Variants in ST6GAL2 observed in about 807,000 individuals in gnomAD.
ST6GAL2 encodes ST6 beta-galactoside alpha-2,6-sialyltransferase 2, also known as beta-galactoside alpha-2,6-sialyltransferase 2.
Under a neutral mutation model 37.5 loss-of-function variants are expected in ST6GAL2, and 24 were observed. That is an observed-to-expected ratio of 0.64 (90% CI 0.46 to 0.90). The LOEUF (loss-of-function observed/expected upper bound fraction) is 0.90. Among genes scored for constraint, ST6GAL2 ranks in the 40% least tolerant of loss-of-function variants. The probability of loss-of-function intolerance (pLI) is 0.00; values close to 1 mark genes in which losing one functional copy is unlikely to be tolerated. For synonymous variants in ST6GAL2, 306 were observed against 295.1 expected (o/e 1.04, Z -0.38); for missense variants, 715 against 712.7 (o/e 1.00, Z -0.04).
At chr2:106,819,259 G>C (rs562539122) in intron 5 of ST6GAL2, among the ~76,000 whole-genome samples, 1 of 151,820 alleles carries the variant, frequency 6.6e-6, no homozygotes, top group East Asian at 1.9e-4. Flanking sequence ...AGAACACCAA[G>C]CAGATTTAAC....
chr2:106,845,330 G>A (rs566955302), intron 1 of ST6GAL2, among the ~76,000 whole-genome samples: 1 of 152,328 alleles, frequency 6.6e-6, no homozygotes, highest in South Asian at 2.1e-4. Flanking sequence ...GAAGTTCTGA[G>A]AGCAAAGGAG....
intron 1 of ST6GAL2, among the ~76,000 whole-genome samples, chr2:106,878,348 C>A (rs1471629536): frequency 6.6e-6 from 1 of 151,674 alleles, no homozygotes; most frequent in African/African-American, 2.4e-5. Flanking sequence ...CCTGTAATCC[C>A]AGTTACTCAG....
In ST6GAL2 at chr2:106,858,549, G is replaced by T. The variant is rs77368421; in HGVS notation, c.-57-14515C>A. Among the ~76,000 whole-genome samples the T allele has an allele frequency of 5.6e-3, 853 of 152,280 alleles. 6 individuals are homozygous for T. The highest frequency in any genetic ancestry group is 0.019 in the African/African-American group (773 of 41,562). On this transcript the variant is annotated intron_variant, in intron 1 of 5. Coordinates refer to ENST00000409382, the MANE Select transcript of ST6GAL2 (RefSeq NM_001142351.2). ...AGTGAAGAAGGAAGGTCAAAAAATG[G>T]AAAGAATACTTGCTAAGCCAGTTTC...
At chr2:106,844,999 A>C (rs1197299946) in intron 1 of ST6GAL2, among the ~76,000 whole-genome samples, 2 of 152,210 alleles carry the variant, frequency 1.3e-5, no homozygotes, top group African/African-American at 4.8e-5. Flanking sequence ...AAGTCCTGGA[A>C]AGGGAAAATA....
intron 5 of ST6GAL2, chr2:106,813,106 T>C (rs1249508339): frequency 2.5e-5 from 32 of 1,255,498 alleles, no homozygotes; most frequent in Non-Finnish European, 3.1e-5. Flanking sequence ...AAGTTTCTTA[T>C]ATGGCCAGTT....
chr2:106,859,486 A>G (rs1677714232), intron 1 of ST6GAL2, among the ~76,000 whole-genome samples: 1 of 152,156 alleles, frequency 6.6e-6, no homozygotes, highest in Non-Finnish European at 1.5e-5. Context: ...GTCCAAACAA[A>G]TATTTGTTAT....
chr2:106,883,182 T>G (rs1678822460), intron 1 of ST6GAL2, among the ~76,000 whole-genome samples: 2 of 152,186 alleles, frequency 1.3e-5, no homozygotes, highest in African/African-American at 2.4e-5. Flanking sequence ...GAATTGCAAC[T>G]GTTCCCCTAT....
intron 5 of ST6GAL2, among the ~76,000 whole-genome samples, chr2:106,827,769 T>G (rs1220054599): frequency 2.0e-5 from 3 of 152,208 alleles, no homozygotes; most frequent in Admixed American, 6.5e-5. Flanking sequence ...AAACAAAAGG[T>G]TTCCTCTTAT....
chr2:106,866,575 G>A (rs79168913), intron 1 of ST6GAL2, among the ~76,000 whole-genome samples: 3,661 of 152,270 alleles, frequency 0.024, 129 homozygotes, highest in African/African-American at 0.081. Flanking sequence ...AGCTCCCAGA[G>A]GCCATGCTTT....
intron 5 of ST6GAL2, among the ~76,000 whole-genome samples, chr2:106,810,215 T>C (rs1338617318): frequency 2.0e-5 from 3 of 152,228 alleles, no homozygotes; most frequent in Non-Finnish European, 2.9e-5. Context: ...ATATACAATA[T>C]AGATTTTGTC....
intron 1 of ST6GAL2, among the ~76,000 whole-genome samples, chr2:106,850,422 C>T (rs1168102891): frequency 6.6e-6 from 1 of 152,174 alleles, no homozygotes; most frequent in Non-Finnish European, 1.5e-5. Context: ...GCTTAAGTGG[C>T]TCCTAATGCA....
chr2:106,802,776 GC>G lies in ST6GAL2; in HGVS notation c.*3901del, dbSNP rs1331453571. On this transcript the variant is annotated 3_prime_UTR_variant, in exon 6 of 6. Coordinates refer to ENST00000409382, the MANE Select transcript of ST6GAL2 (RefSeq NM_001142351.2). ...ATAGAACATACTTGGAAGCTACCTGGCCAATAGGTTCACTCATGTCTTTCTG... is the reference window on the plus strand; with the variant it reads ...ATAGAACATACTTGGAAGCTACCTGGCAATAGGTTCACTCATGTCTTTCTG... 6.6e-6 allele frequency: 1 copy of G among 152,138 alleles called. No homozygotes were observed. The highest frequency in any genetic ancestry group is 1.5e-5 in the Non-Finnish European group (1 of 68,024). The allele number at this position is 152,138 out of a possible 1,614,324, so 9.4% of individuals were successfully genotyped here.
chr2:106,843,389 A>C lies in ST6GAL2; in HGVS notation c.589T>G (p.Ser197Ala), dbSNP rs973523102. 1 of 1,614,004 alleles carries C rather than the reference A, an allele frequency of 6.2e-7. No individual in the cohort carries two copies. The highest frequency in any genetic ancestry group is 1.3e-5 in the African/African-American group (1 of 74,928). Residue 197 changes from serine (S) to alanine (A), a missense_variant, in exon 2 of 6, where the codon TCC becomes GCC. Ser to Ala is a moderately conservative substitution (Grantham distance 99). Transcript: ENST00000409382. ...TACAGGAAGGCCCTGGACATGGAGG[A>C]GTACAGCCTGTCGCCGTCGTCGCCC... The part of the protein sequence containing the change: ...EEGDDGDRLY[S>A]SMSRAFLYRL...
chr2:106,879,959 C>T (rs1032084874), intron 1 of ST6GAL2, among the ~76,000 whole-genome samples: 2 of 147,548 alleles, frequency 1.4e-5, no homozygotes, highest in Admixed American at 1.4e-4. Flanking sequence ...TACATATAGA[C>T]CAATTACATA....
intron 1 of ST6GAL2, among the ~76,000 whole-genome samples, chr2:106,851,079 G>T (rs1213862366): frequency 1.3e-5 from 2 of 152,118 alleles, no homozygotes; most frequent in Non-Finnish European, 2.9e-5. Flanking sequence ...TACTGGATTG[G>T]GTGTGACTTT....
intron 1 of ST6GAL2, among the ~76,000 whole-genome samples, chr2:106,870,401 ACTT>A (rs1678215249): frequency 6.6e-6 from 1 of 152,310 alleles, no homozygotes; most frequent in African/African-American, 2.4e-5. Context: ...AACCCAGGCC[ACTT>A]CTTCTTGTTA....
intron 1 of ST6GAL2, among the ~76,000 whole-genome samples, chr2:106,852,548 C>T (rs1226900315): frequency 1.3e-5 from 2 of 152,232 alleles, no homozygotes; most frequent in African/African-American, 4.8e-5. Context: ...TCCCACCAAC[C>T]AACATGGGCT....
intron 1 of ST6GAL2, among the ~76,000 whole-genome samples, chr2:106,877,404 T>C (rs894516297): frequency 1.6e-4 from 24 of 150,784 alleles, no homozygotes; most frequent in African/African-American, 5.7e-4. Context: ...ATAGAAGGCC[T>C]GCGAGCTCCA....
At position 106,803,815 on chromosome 2, in the gene ST6GAL2, A is replaced by C. The variant is rs768340022; in HGVS notation, c.*2863T>G. Reference sequence around the variant, plus strand: ...TTTTGGAAGAGACAGAACCTGGGAGAAATTCAGTGAGCTGCCACTTACTGT... The same window carrying C: ...TTTTGGAAGAGACAGAACCTGGGAGCAATTCAGTGAGCTGCCACTTACTGT... On this transcript the variant is annotated 3_prime_UTR_variant, in exon 6 of 6. Coordinates refer to ENST00000409382, the MANE Select transcript of ST6GAL2 (RefSeq NM_001142351.2). 6.6e-6 allele frequency: 1 copy of C among 152,124 alleles called. No homozygotes were observed. Among genetic ancestry groups the C allele is most frequent in the Non-Finnish European group, 1.5e-5 (1 of 68,036 alleles). The allele number at this position is 152,124 out of a possible 1,614,324, so 9.4% of individuals were successfully genotyped here.
Sources: allele counts gnomAD v4.1 joint callset (sites outside exome capture counted in the v4.1 genomes callset), GRCh38; gene constraint gnomAD v4.1.1; transcripts MANE v1.5; gene names NCBI Gene and HGNC (gene_info 2026-07-23, HGNC 2026-07-21).